SHISA9: variants seen among roughly 807,000 people sequenced by gnomAD.
The protein encoded by SHISA9 is protein shisa-9.
In SHISA9, 13 loss-of-function variants were observed where a neutral mutation model predicts 38.0. The observed-to-expected ratio is 0.34, with a 90% CI of 0.22 to 0.54. The LOEUF is 0.54. Among genes scored for constraint, SHISA9 ranks in the 20% least tolerant of loss-of-function variants. The pLI is 0.91. For missense variants in SHISA9, 538 were observed against 575.8 expected (o/e 0.93, Z 0.67); for synonymous variants, 275 against 242.0 (o/e 1.14, Z -1.27).
At chr16:13,438,266 A>G in the SHISA9 span, among the ~76,000 whole-genome samples, 1 of 152,116 alleles carries the variant, frequency 6.6e-6, no homozygotes, top group Non-Finnish European at 1.5e-5. Flanking sequence ...CAATGAAATC[A>G]TTTTCTTAAG....
chr16:13,198,378 GCATA>G (rs767252983), intron 2 of SHISA9, among the ~76,000 whole-genome samples: 1 of 151,890 alleles, frequency 6.6e-6, no homozygotes, highest in African/African-American at 2.4e-5. Flanking sequence ...ATGTACATAT[GCATA>G]CATATATACT....
chr16:13,263,194 C>T, the SHISA9 span, among the ~76,000 whole-genome samples: 2 of 152,136 alleles, frequency 1.3e-5, no homozygotes, highest in Admixed American at 6.5e-5. Context: ...GGTGGGAATT[C>T]GGCAAGGACT....
At chr16:12,929,634 T>G (rs2079642742) in intron 2 of SHISA9, among the ~76,000 whole-genome samples, 1 of 151,156 alleles carries the variant, frequency 6.6e-6, no homozygotes, top group East Asian at 2.0e-4. Context: ...TACTGGGGCC[T>G]CTCGGGGGTT....
chr16:13,347,649 T>A, the SHISA9 span, among the ~76,000 whole-genome samples: 2 of 152,180 alleles, frequency 1.3e-5, no homozygotes, highest in Non-Finnish European at 2.9e-5. Flanking sequence ...CCATAAATGA[T>A]GTAATTTAGT....
intron 2 of SHISA9, among the ~76,000 whole-genome samples, chr16:12,917,509 C>T (rs1002768347): frequency 1.3e-5 from 2 of 152,120 alleles, no homozygotes; most frequent in African/African-American, 4.8e-5. Context: ...CAGAGCATGA[C>T]TGGGGATCTT....
At chr16:13,224,688 A>T (rs1263255272) in intron 4 of SHISA9, among the ~76,000 whole-genome samples, 2 of 152,224 alleles carry the variant, frequency 1.3e-5, no homozygotes, top group African/African-American at 4.8e-5. Flanking sequence ...GTAACCAAAA[A>T]AGATAACTTT....
At chr16:12,954,824 G>T (rs994232946) in intron 2 of SHISA9, among the ~76,000 whole-genome samples, 1 of 152,068 alleles carries the variant, frequency 6.6e-6, no homozygotes, top group Non-Finnish European at 1.5e-5. Flanking sequence ...AATTCCAAAG[G>T]CCAGAGTATT....
the SHISA9 span, among the ~76,000 whole-genome samples, chr16:13,552,935 A>G: frequency 6.6e-6 from 1 of 152,000 alleles, no homozygotes; most frequent in Non-Finnish European, 1.5e-5. Flanking sequence ...CACAGGCGCT[A>G]TTGATCTCTT....
the SHISA9 span, among the ~76,000 whole-genome samples, chr16:13,354,304 AGGCC>A: frequency 4.0e-5 from 2 of 50,386 alleles, no homozygotes; most frequent in South Asian, 2.5e-3. Flanking sequence ...TGTGGCAATT[AGGCC>A]TGGTGGAACC....
At chr16:13,254,430 TATTATGTC>T in the SHISA9 span, among the ~76,000 whole-genome samples, 1 of 152,228 alleles carries the variant, frequency 6.6e-6, no homozygotes, top group East Asian at 1.9e-4. Context: ...TGTTACGAGT[TATTATGTC>T]ACCAGCCTTG....
chr16:13,314,212 T>TA, the SHISA9 span, among the ~76,000 whole-genome samples: 10 of 151,658 alleles, frequency 6.6e-5, no homozygotes, highest in East Asian at 7.8e-4. Flanking sequence ...CATTTTTTTT[T>TA]ATTTTTTTAT....
At chr16:13,483,777 C>T in the SHISA9 span, among the ~76,000 whole-genome samples, 1 of 152,132 alleles carries the variant, frequency 6.6e-6, no homozygotes, top group South Asian at 2.1e-4. Context: ...TTCTGGATAA[C>T]TGAACATGTA....
At chr16:13,512,988 C>T in the SHISA9 span, among the ~76,000 whole-genome samples, 17 of 152,282 alleles carry the variant, frequency 1.1e-4, no homozygotes, top group South Asian at 1.5e-3. Flanking sequence ...GCAATTGCAA[C>T]GGAAGCCAAA....
chr16:13,433,022 G>C, the SHISA9 span, among the ~76,000 whole-genome samples: 22 of 151,092 alleles, frequency 1.5e-4, no homozygotes, highest in African/African-American at 5.4e-4. Context: ...CATGACACAA[G>C]TTTAGCTAAG....
intron 2 of SHISA9, among the ~76,000 whole-genome samples, chr16:13,163,014 G>C (rs567801662): frequency 5.3e-5 from 8 of 152,208 alleles, no homozygotes; most frequent in African/African-American, 1.9e-4. Flanking sequence ...AAGAAGGAAA[G>C]ACAAGGAATT....
chr16:13,227,233 A>G (rs914974058), intron 4 of SHISA9, among the ~76,000 whole-genome samples: 2 of 152,380 alleles, frequency 1.3e-5, no homozygotes, highest in East Asian at 3.9e-4. Flanking sequence ...TTGAACAAAC[A>G]GCTCGAAGAC....
At chr16:12,996,184 C>T (rs1474893067) in intron 2 of SHISA9, among the ~76,000 whole-genome samples, 1 of 152,026 alleles carries the variant, frequency 6.6e-6, no homozygotes, top group South Asian at 2.1e-4. Context: ...ATCTGTCTGG[C>T]AGATATGTTT....
rs528880807 is a variant in SHISA9 at position 13,176,099 on chromosome 16, C to T, written c.692-27295C>T. Among the ~76,000 whole-genome samples, 25 of 151,802 alleles carry T rather than the reference C, an allele frequency of 1.6e-4. 1 individual carries two copies. Among genetic ancestry groups the T allele is most frequent in the South Asian group, 1.3e-3 (6 of 4,790 alleles). On this transcript the variant is annotated intron_variant, in intron 2 of 4. Transcript: ENST00000558583. ...CTTTTTTATAACTTAGCTTAATTTC[C>T]GTGTTTTTTTAATAAAAACCTGCCT...
At chr16:13,490,099 AG>A in the SHISA9 span, among the ~76,000 whole-genome samples, 1 of 152,206 alleles carries the variant, frequency 6.6e-6, no homozygotes, top group African/African-American at 2.4e-5. Flanking sequence ...TAAGTCAAAA[AG>A]GGCATCCCTG....
Sources: gnomAD v4.1 joint callset for allele counts (sites outside exome capture counted in the v4.1 genomes callset) on GRCh38, gnomAD v4.1.1 for gene constraint, MANE v1.5 for transcripts, NCBI Gene and HGNC (gene_info 2026-07-23, HGNC 2026-07-21) for gene names.